Variants in ROR1 observed in about 807,000 individuals in gnomAD.
ROR1 encodes the protein inactive tyrosine-protein kinase transmembrane receptor ROR1.
Under a neutral mutation model 78.8 loss-of-function variants are expected in ROR1, and 19 were observed. The ratio of observed to expected loss-of-function variants is 0.24; its 90% confidence interval spans 0.17 to 0.35. ROR1 has a LOEUF of 0.35. ROR1 is among the 10% of genes least tolerant of loss of function. The pLI, the probability that ROR1 is intolerant of heterozygous loss-of-function variation, is 1.00. For synonymous variants in ROR1, 386 were observed against 433.6 expected (o/e 0.89, Z 1.36); for missense variants, 917 against 1,177.8 (o/e 0.78, Z 3.24).
At chr1:63,912,948 C>T (rs748692893) in intron 1 of ROR1, among the ~76,000 whole-genome samples, 7 of 151,910 alleles carry the variant, frequency 4.6e-5, no homozygotes, top group Admixed American at 3.3e-4. Context: ...GCAAACTTGG[C>T]GGGGGTTGCT....
intron 4 of ROR1, among the ~76,000 whole-genome samples, chr1:64,051,756 T>C (rs1383479754): frequency 6.6e-6 from 1 of 152,206 alleles, no homozygotes; most frequent in Non-Finnish European, 1.5e-5. Context: ...ATTAAAACTC[T>C]TACTCTACAA....
rs779354225 is a variant in ROR1, at chr1:64,159,078, C to T, written c.1272C>T (p.Phe424=). The change falls in exon 8 of 9, where the codon TTC becomes TTT. Residue 424 remains phenylalanine, a synonymous_variant. Transcript: ENST00000371079. ...TGGCCATTGCTTTACTCTTCTTCTT[C>T]ATTTGCGTCTGTCGGAATAACCAGA... The part of the protein sequence containing the change: ...IPLAIALLFF[F]ICVCRNNQKS... The T allele has an allele frequency of 6.2e-7, 1 of 1,614,168 alleles. No individual in the cohort carries two copies.
intron 1 of ROR1, among the ~76,000 whole-genome samples, chr1:63,807,264 A>T (rs1377724740): frequency 6.6e-6 from 1 of 152,132 alleles, no homozygotes; most frequent in Non-Finnish European, 1.5e-5. Context: ...ATCACTAATG[A>T]TGGGCAAGGT....
intron 1 of ROR1, among the ~76,000 whole-genome samples, chr1:63,830,886 G>T (rs1171292548): frequency 6.6e-6 from 1 of 152,224 alleles, no homozygotes; most frequent in African/African-American, 2.4e-5. Context: ...GGGGATACAG[G>T]AATTTGGTAA....
intron 1 of ROR1, among the ~76,000 whole-genome samples, chr1:63,898,389 GT>G (rs10710390): frequency 0.91 from 135,273 of 149,418 alleles, 61,372 homozygotes; most frequent in East Asian, 1. Flanking sequence ...GATAAAGGAG[GT>G]TTTTTTTTTA....
intron 1 of ROR1, among the ~76,000 whole-genome samples, chr1:63,942,067 A>G (rs1239662690): frequency 6.6e-6 from 1 of 152,158 alleles, no homozygotes; most frequent in Non-Finnish European, 1.5e-5. Context: ...CCTCCAGTGA[A>G]ACCTTTTTCT....
chr1:64,046,910 C>T (rs1030673878), intron 2 of ROR1, among the ~76,000 whole-genome samples: 1 of 152,232 alleles, frequency 6.6e-6, no homozygotes, highest in Non-Finnish European at 1.5e-5. Context: ...AATGACTTCT[C>T]CCTTGCAAAG....
chr1:63,857,097 G>T (rs912974586), intron 1 of ROR1, among the ~76,000 whole-genome samples: 1 of 151,356 alleles, frequency 6.6e-6, no homozygotes, highest in East Asian at 1.9e-4. Context: ...TTGAATGAAT[G>T]AATTAATAAA....
chr1:63,824,959 T>A (rs1015868934), intron 1 of ROR1, among the ~76,000 whole-genome samples: 3 of 152,124 alleles, frequency 2.0e-5, no homozygotes, highest in African/African-American at 7.2e-5. Flanking sequence ...TATTCAAATA[T>A]AAACTGAAAC....
At chr1:63,890,259 T>C (rs191323692) in intron 1 of ROR1, among the ~76,000 whole-genome samples, 2 of 151,856 alleles carry the variant, frequency 1.3e-5, no homozygotes, top group East Asian at 1.9e-4. Flanking sequence ...GACTATTTTA[T>C]AGAAACAGGA....
intron 4 of ROR1, among the ~76,000 whole-genome samples, chr1:64,095,659 G>C (rs535961602): frequency 6.6e-6 from 1 of 152,122 alleles, no homozygotes; most frequent in South Asian, 2.1e-4. Context: ...GCAGAATTAT[G>C]TATGTATATT....
intron 2 of ROR1, among the ~76,000 whole-genome samples, chr1:64,013,065 C>T (rs938649574): frequency 2.6e-5 from 4 of 152,132 alleles, no homozygotes; most frequent in Non-Finnish European, 4.4e-5. Context: ...CTTTGGTCTT[C>T]TCATTTGTAA....
At position 63,909,760 on chromosome 1, in the gene ROR1, C is replaced by T. The variant is rs984530082; in HGVS notation, c.92-99545C>T. On this transcript the variant is annotated intron_variant, in intron 1 of 8. Transcript: ENST00000371079. ...TGTGAGTAACTGCTACATGAGACCA[C>T]GGAGAAAATGAAATAAATATGTTGG... Among the ~76,000 whole-genome samples, 41 of 151,942 alleles carry T rather than the reference C, an allele frequency of 2.7e-4. 1 individual carries two copies. The highest frequency in any genetic ancestry group is 1.0e-3 in the Admixed American group (16 of 15,272).
At position 64,049,773 on chromosome 1, in the gene ROR1, T is replaced by C; in HGVS notation, c.246T>C (p.Ser82=). The C allele has an allele frequency of 6.2e-7, 1 of 1,614,178 alleles. No homozygotes were observed. Among genetic ancestry groups the C allele is most frequent in the Admixed American group, 1.7e-5 (1 of 60,018 alleles). The change falls in exon 3 of 9, where the codon TCT becomes TCC. Residue 82 remains serine, a synonymous_variant. Transcript: ENST00000371079. ...GQTAELHCKV[S]GNPPPTIRWF... ...CAGCAGAACTGCACTGCAAAGTCTC[T>C]GGGAATCCACCTCCCACCATCCGCT...
Position 64,030,450 on chromosome 1 carries a change from T to C in ROR1, c.164-19241T>C, listed in dbSNP as rs182151642. Among the ~76,000 whole-genome samples, 328 of 152,298 alleles carry C rather than the reference T, an allele frequency of 2.2e-3. 2 individuals carry two copies. The highest frequency in any genetic ancestry group is 0.012 in the Admixed American group (179 of 15,292). On this transcript the variant is annotated intron_variant, in intron 2 of 8. Transcript: ENST00000371079. ...AAACTGCTGCTTTACAATTTCCACT[T>C]CCACATGGTCCTATAAAATAGTTCC...
chr1:64,113,323 G>A (rs948783674), intron 4 of ROR1, among the ~76,000 whole-genome samples: 3 of 152,190 alleles, frequency 2.0e-5, no homozygotes, highest in African/African-American at 7.2e-5. Context: ...CATATCTATG[G>A]AAAGAGTGAA....
At position 64,100,285 on chromosome 1, in the gene ROR1, C is replaced by T. The variant is rs1472445024; in HGVS notation, c.483-37084C>T. On this transcript the variant is annotated intron_variant, in intron 4 of 8. Coordinates refer to ENST00000371079, the MANE Select transcript of ROR1 (RefSeq NM_005012.4). ...TAGCTTGAGACCAGGAGTTTGAGAC[C>T]AGCCTGGGCAACATGGCAAGACCTC... 2.0e-5 allele frequency among the ~76,000 whole-genome samples: 3 copies of T among 151,986 alleles called. No homozygotes were observed. In the South Asian group the frequency reaches 6.2e-4, roughly 32 times the overall value.
intron 4 of ROR1, among the ~76,000 whole-genome samples, chr1:64,128,664 C>T (rs956106454): frequency 2.6e-5 from 4 of 152,086 alleles, no homozygotes; most frequent in African/African-American, 9.7e-5. Context: ...CTATTCTGGC[C>T]ATTAGGGACA....
At chr1:64,020,655 T>C (rs908122395) in intron 2 of ROR1, among the ~76,000 whole-genome samples, 1 of 152,176 alleles carries the variant, frequency 6.6e-6, no homozygotes, top group African/African-American at 2.4e-5. Context: ...TCATTCCCTC[T>C]GGCCTGTTTA....
Sources: allele counts gnomAD v4.1 joint callset (sites outside exome capture counted in the v4.1 genomes callset), GRCh38; gene constraint gnomAD v4.1.1; transcripts MANE v1.5; gene names NCBI Gene and HGNC (gene_info 2026-07-23, HGNC 2026-07-21).